AK5: variants seen among roughly 807,000 people sequenced by gnomAD.
AK5 encodes the protein adenylate kinase 5.
AK5 carries 27 observed loss-of-function variants against 69.5 expected under a neutral mutation model. The ratio of observed to expected loss-of-function variants is 0.39; its 90% CI spans 0.29 to 0.54. AK5 has a LOEUF of 0.54. AK5 is among the 20% of genes least tolerant of loss of function. The pLI is 0.71. For missense variants in AK5, 531 were observed against 700.4 expected (o/e 0.76, Z 2.73); for synonymous variants, 260 against 244.4 (o/e 1.06, Z -0.60).
chr1:77,367,695 TA>T, intron 6 of AK5, among the ~76,000 whole-genome samples: 3 of 55,806 alleles, frequency 5.4e-5, no homozygotes, highest in Non-Finnish European at 1.0e-4. Context: ...ATATATACGT[TA>T]TATGTTATAT....
intron 8 of AK5, among the ~76,000 whole-genome samples, chr1:77,422,280 C>T (rs945644808): frequency 1.1e-4 from 16 of 152,320 alleles, no homozygotes; most frequent in Admixed American, 7.2e-4. Context: ...AACCAGTCTC[C>T]TTCCCTCAGT....
intron 13 of AK5, among the ~76,000 whole-genome samples, chr1:77,546,064 G>A (rs1659530318): frequency 6.6e-6 from 1 of 152,062 alleles, no homozygotes; most frequent in Non-Finnish European, 1.5e-5. Context: ...CCGCAAAGAC[G>A]TTTTGATTCG....
intron 1 of AK5, chr1:77,283,294 G>C (rs138329691): frequency 4.1e-6 from 4 of 985,286 alleles, no homozygotes; most frequent in Admixed American, 1.2e-4. Flanking sequence ...TTGAAGTAGG[G>C]GGGAGGAGGA....
intron 6 of AK5, among the ~76,000 whole-genome samples, chr1:77,379,020 G>C (rs962602366): frequency 6.6e-6 from 1 of 152,194 alleles, no homozygotes; most frequent in Non-Finnish European, 1.5e-5. Context: ...CTGGGTTGCT[G>C]CTCTGTAAAA....
intron 6 of AK5, among the ~76,000 whole-genome samples, chr1:77,352,037 C>A (rs182762900): frequency 6.7e-6 from 1 of 149,604 alleles, no homozygotes; most frequent in East Asian, 2.0e-4. Context: ...TCAAGCAATT[C>A]TCCTGCCTCA....
At chr1:77,313,325 CAG>C (rs926658262) in intron 5 of AK5, among the ~76,000 whole-genome samples, 1 of 152,106 alleles carries the variant, frequency 6.6e-6, no homozygotes, top group African/African-American at 2.4e-5. Flanking sequence ...GGAGGGCATA[CAG>C]ACTCTAGACC....
intron 8 of AK5, 60 bp from the exon 9 acceptor site, chr1:77,483,257 C>T: frequency 7.7e-7 from 1 of 1,303,190 alleles, no homozygotes; most frequent in Non-Finnish European, 1.1e-6. Context: ...CCAGTGTTGC[C>T]AAGGAGTTCA....
intron 8 of AK5, among the ~76,000 whole-genome samples, chr1:77,461,179 G>T (rs1653815003): frequency 6.6e-6 from 1 of 151,450 alleles, no homozygotes; most frequent in Non-Finnish European, 1.5e-5. Context: ...GACTACAGGT[G>T]CCCACCACCG....
chr1:77,454,125 C>G (rs544346981), intron 8 of AK5, among the ~76,000 whole-genome samples: 12 of 152,312 alleles, frequency 7.9e-5, no homozygotes, highest in African/African-American at 2.9e-4. Context: ...GGCATCCATG[C>G]TGCTGTGACC....
intron 8 of AK5, among the ~76,000 whole-genome samples, chr1:77,420,906 C>T (rs956791628): frequency 3.3e-5 from 5 of 152,178 alleles, no homozygotes; most frequent in African/African-American, 1.2e-4. Context: ...GTTGCAACTA[C>T]TCAAACTCTG....
intron 13 of AK5, among the ~76,000 whole-genome samples, chr1:77,558,319 A>ATGAG (rs1216677711): frequency 6.6e-6 from 1 of 152,168 alleles, no homozygotes; most frequent in East Asian, 1.9e-4. Flanking sequence ...CCCACAAGCA[A>ATGAG]TGAGTGAGAG....
intron 6 of AK5, among the ~76,000 whole-genome samples, chr1:77,387,056 G>T (rs965261196): frequency 6.6e-6 from 1 of 152,122 alleles, no homozygotes; most frequent in African/African-American, 2.4e-5. Flanking sequence ...GAATTCCATT[G>T]TGTAAATGTG....
intron 9 of AK5, among the ~76,000 whole-genome samples, chr1:77,484,158 T>TG (rs1655442526): frequency 1.4e-5 from 1 of 71,920 alleles, no homozygotes; most frequent in Admixed American, 1.7e-4. Flanking sequence ...AGACTACGTC[T>TG]CAAAAAAAAA....
intron 10 of AK5, among the ~76,000 whole-genome samples, chr1:77,497,099 C>T (rs1053108478): frequency 2.0e-5 from 3 of 152,328 alleles, no homozygotes; most frequent in South Asian, 4.1e-4. Context: ...TCTGCACTGC[C>T]TTTATGAGCT....
chr1:77,368,245 A>ATATATATATATATGTTATATATGT lies in AK5; in HGVS notation c.891+27685_891+27686insTATATGTTATATATGTTATATATA, dbSNP rs376578923. Among the ~76,000 whole-genome samples, 10 of 67,906 alleles carry ATATATATATATATGTTATATATGT rather than the reference A, an allele frequency of 1.5e-4. 1 individual carries two copies. The highest frequency in any genetic ancestry group is 2.9e-4 in the Non-Finnish European group (10 of 35,064). The allele number at this position is 67,906 out of a possible 152,430, so 44.5% of individuals were successfully genotyped here. A position where few individuals can be genotyped will look rare whatever the true frequency, so the allele number is the denominator to read the frequency against. On this transcript the variant is annotated intron_variant, in intron 6 of 13. Coordinates refer to ENST00000354567, the MANE Select transcript of AK5 (RefSeq NM_174858.3). ...TATATATATATATATATATATATAT[A>ATATATATATATATGTTATATATGT]TATATATAATATATATGTTATATAT...
At chr1:77,345,391 T>A (rs1661865845) in intron 6 of AK5, among the ~76,000 whole-genome samples, 1 of 152,204 alleles carries the variant, frequency 6.6e-6, no homozygotes, top group Non-Finnish European at 1.5e-5. Flanking sequence ...CAATACCAGG[T>A]TTCCTGGGAA....
At chr1:77,388,428 A>T (rs368979424) in intron 6 of AK5, among the ~76,000 whole-genome samples, 1 of 152,242 alleles carries the variant, frequency 6.6e-6, no homozygotes, top group African/African-American at 2.4e-5. Flanking sequence ...TAGGTGTATT[A>T]TCTCTGAATT....
intron 6 of AK5, among the ~76,000 whole-genome samples, chr1:77,392,696 A>C (rs144018887): frequency 1.3e-5 from 2 of 152,154 alleles, no homozygotes; most frequent in Non-Finnish European, 2.9e-5. Context: ...CTCTTCTGAC[A>C]AGACCGCTAA....
intron 8 of AK5, among the ~76,000 whole-genome samples, chr1:77,464,592 G>A (rs1654029812): frequency 6.6e-6 from 1 of 152,176 alleles, no homozygotes; most frequent in Admixed American, 6.5e-5. Flanking sequence ...CAGAAGACAG[G>A]GCATATTGAG....
Sources: gnomAD v4.1 joint callset for allele counts (sites outside exome capture counted in the v4.1 genomes callset) on GRCh38, gnomAD v4.1.1 for gene constraint, MANE v1.5 for transcripts, NCBI Gene and HGNC (gene_info 2026-07-23, HGNC 2026-07-21) for gene names.